The following ZNF112 variants were observed in gnomAD, a reference collection of about 807,000 sequenced individuals.
ZNF112 encodes zinc finger protein 112.
ZNF112 carries 37 observed loss-of-function variants against 77.7 expected under a neutral mutation model. The ratio of observed to expected loss-of-function variants is 0.48; its 90% confidence interval spans 0.37 to 0.63. The LOEUF (loss-of-function observed/expected upper bound fraction) is 0.63, where lower values mean the gene tolerates loss of function less well. ZNF112 is among the 20% of genes least tolerant of loss of function. The pLI, the probability that ZNF112 is intolerant of heterozygous loss-of-function variation, is 0.00. For synonymous variants in ZNF112, 333 were observed against 363.6 expected (o/e 0.92, Z 0.96); for missense variants, 950 against 1,077.4 (o/e 0.88, Z 1.66).
At chr19:44,359,433 C>G (rs1289117856), upstream of ZNF112, among the ~76,000 whole-genome samples, 1 of 145,880 alleles carries the variant, frequency 6.9e-6, no homozygotes, top group Non-Finnish European at 1.5e-5. Context: ...AAGCAATTCT[C>G]CTGCCCCAGC....
At chr19:44,352,282 C>T (rs1318312523) in intron 1 of ZNF112, among the ~76,000 whole-genome samples, 2 of 152,056 alleles carry the variant, frequency 1.3e-5, no homozygotes, top group Non-Finnish European at 2.9e-5. Context: ...GGCTGTTCTA[C>T]AGGTACTTGT....
rs1314793034 is a variant in ZNF112 at position 44,329,897 on chromosome 19, A to G, written c.260T>C (p.Val87Ala). The change falls in exon 4 of 4, where the codon GTA becomes GCA. Residue 87 changes from valine to alanine, a missense_variant. Around this residue, in one of 3 missense-constraint regions of ZNF112, gnomAD observed 560 missense variants for 557.3 expected, o/e 1.00. Coordinates refer to ENST00000354340, the MANE Select transcript of ZNF112 (RefSeq NM_013380.4). ...NQQKMESIQE[V>A]TVSYFSPKEL... is the part of the protein sequence containing the mutation. ...TTTGGGGGAAAAGTAGCTTACTGTT[A>G]CTTCCTGAATACTCTCCATCTTTTG... is the stretch of plus-strand genomic sequence containing the variant. The G allele has an allele frequency of 1.2e-6, 2 of 1,613,900 alleles. No individual in the cohort carries two copies. Among genetic ancestry groups the G allele is most frequent in the Non-Finnish European group, 1.7e-6 (2 of 1,179,928 alleles).
In ZNF112 at chr19:44,328,448, G is replaced by A; in HGVS notation, c.1709C>T (p.Thr570Ile). 1 of 1,614,138 alleles carries A rather than the reference G, an allele frequency of 6.2e-7. No homozygotes were observed. Among genetic ancestry groups the A allele is most frequent in the Non-Finnish European group, 8.5e-7 (1 of 1,180,010 alleles). Residue 570 changes from threonine (T) to isoleucine (I), a missense_variant, in exon 4 of 4, where the codon ACT becomes ATT. Around this residue, in one of 3 missense-constraint regions of ZNF112, gnomAD observed 373 missense variants for 482.8 expected, o/e 0.77. Coordinates refer to ENST00000354340, the MANE Select transcript of ZNF112 (RefSeq NM_013380.4). Reference protein sequence around the residue: ...SYLQAHQRVHTGEKPYKCEEC... With the variant: ...SYLQAHQRVHIGEKPYKCEEC... ...CTCACATTTATAAGGTTTTTCTCCA[G>A]TGTGGACTCTCTGATGGGCTTGAAG...
Position 44,364,820 on chromosome 19 carries a change from G to A in ZNF112, c.17+2261C>T, listed in dbSNP as rs145792601. Among the ~76,000 whole-genome samples the A allele has an allele frequency of 3.1e-3, 468 of 152,220 alleles. 2 individuals are homozygous for A. The highest frequency in any genetic ancestry group is 6.0e-3 in the Admixed American group (92 of 15,272). ...TTTTACATAACAGACTTGAACATCC[G>A]CGGATTTTGATTTCCATAAGGGTCC... On this transcript the variant is annotated intron_variant, in intron 1 of 4. Coordinates refer to the ZNF112 transcript ENST00000588057.
intron 1 of ZNF112, among the ~76,000 whole-genome samples, chr19:44,347,533 C>G (rs1599931130): frequency 4.0e-5 from 2 of 50,074 alleles, no homozygotes; most frequent in Admixed American, 2.3e-4. Context: ...TATCTATTAG[C>G]TTTTGGCTAT....
chr19:44,345,878 G>A (rs1970579773), intron 1 of ZNF112, among the ~76,000 whole-genome samples: 1 of 152,158 alleles, frequency 6.6e-6, no homozygotes, highest in African/African-American at 2.4e-5. Flanking sequence ...GGGTTGGAAA[G>A]CTTTCATAAA....
At chr19:44,332,456 T>C (rs1422394878) in intron 3 of ZNF112, among the ~76,000 whole-genome samples, 1 of 152,216 alleles carries the variant, frequency 6.6e-6, no homozygotes, top group Non-Finnish European at 1.5e-5. Flanking sequence ...TATTTTATCA[T>C]ATAATGATGA....
Position 44,336,684 on chromosome 19 carries a change from C to A in ZNF112, c.159G>T (p.Gln53His), listed in dbSNP as rs368359120. 1 of 1,613,952 alleles carries A rather than the reference C, an allele frequency of 6.2e-7. No individual in the cohort carries two copies. The highest frequency in any genetic ancestry group is 8.5e-7 in the Non-Finnish European group (1 of 1,179,960). The change falls in exon 3 of 4, where the codon CAG (glutamine) becomes CAT (histidine). Residue 53 changes from glutamine (Q) to histidine (H), a missense_variant. This residue lies in a region of ZNF112 where 560 missense variants were observed against 557.3 expected (regional missense o/e 1.00). Coordinates refer to ENST00000354340, the MANE Select transcript of ZNF112 (RefSeq NM_013380.4). Reference protein sequence around the residue: ...HQPFKPDLISQLEREEKLLMV... With the variant: ...HQPFKPDLISHLEREEKLLMV... ...TCAAAAGCTTTTCTTCTCTCTCCAG[C>A]TGGGATATTAGGTCTGGCTTGAAGG...
At chr19:44,360,723 A>G (rs1347794035), upstream of ZNF112, among the ~76,000 whole-genome samples, 2 of 152,230 alleles carry the variant, frequency 1.3e-5, no homozygotes, top group Non-Finnish European at 2.9e-5. Context: ...TATTCAATAC[A>G]TGTTGCTGTT....
At chr19:44,340,741 C>T (rs1970474659) in intron 1 of ZNF112, among the ~76,000 whole-genome samples, 199 bp from the exon 2 acceptor site, 1 of 152,172 alleles carries the variant, frequency 6.6e-6, no homozygotes, top group South Asian at 2.1e-4. Flanking sequence ...GAAATTACTT[C>T]CTTTTGTTAG....
chr19:44,339,678 A>T (rs1599923193), intron 2 of ZNF112, among the ~76,000 whole-genome samples: 1 of 152,228 alleles, frequency 6.6e-6, no homozygotes, highest in Admixed American at 6.5e-5. Context: ...TGAATCATTA[A>T]CTGTGAAGAC....
chr19:44,345,451 C>T (rs1970570525), intron 1 of ZNF112, among the ~76,000 whole-genome samples: 2 of 152,190 alleles, frequency 1.3e-5, no homozygotes, highest in African/African-American at 2.4e-5. Context: ...TCTGCAGTCA[C>T]GCACTCCGTG....
rs142730098 is a variant in ZNF112 at position 44,362,258 on chromosome 19, G to A, written c.17+4823C>T. Among the ~76,000 whole-genome samples, 432 of 152,118 alleles carry A rather than the reference G, an allele frequency of 2.8e-3. 2 individuals carry two copies. Among genetic ancestry groups the A allele is most frequent in the African/African-American group, 9.5e-3 (394 of 41,500 alleles). Reference sequence around the variant, plus strand: ...GGAGGAAGGTGAGGGTATGTAGGAGGAGGAGAAGTAGGAGGAGGAAGAGTA... The same window carrying A: ...GGAGGAAGGTGAGGGTATGTAGGAGAAGGAGAAGTAGGAGGAGGAAGAGTA... On this transcript the variant is annotated intron_variant, in intron 1 of 4. Transcript: ENST00000588057.
Position 44,328,004 on chromosome 19 carries a change from T to A in ZNF112, c.2153A>T (p.Glu718Val), listed in dbSNP as rs1206287004. The A allele has an allele frequency of 6.2e-7, 1 of 1,613,916 alleles. No individual in the cohort carries two copies. The highest frequency in any genetic ancestry group is 8.5e-7 in the Non-Finnish European group (1 of 1,179,968). ...CTGACTGAAGCCCTTTCCACATACC[T>A]CACATATATATGGTCTTTCTCCAGA... ...VHSGERPYIC[E>V]VCGKGFSQRA... Residue 718 changes from glutamate to valine, a missense_variant, in exon 4 of 4, where the codon GAG (glutamate) becomes GTG (valine). By Grantham distance (121) the Glu-to-Val change is moderately radical. Around this residue, in one of 3 missense-constraint regions of ZNF112, gnomAD observed 373 missense variants for 482.8 expected, o/e 0.77. Coordinates refer to ENST00000354340, the MANE Select transcript of ZNF112 (RefSeq NM_013380.4).
intron 1 of ZNF112, among the ~76,000 whole-genome samples, chr19:44,365,510 TAC>T (rs559519624): frequency 5.3e-5 from 8 of 151,514 alleles, no homozygotes; most frequent in East Asian, 3.9e-4. Context: ...AAAAATTGTA[TAC>T]ACACACACAC....
Position 44,348,876 on chromosome 19 carries a change from A to T in ZNF112, c.-4+7750T>A, listed in dbSNP as rs143755649. ...AGAAAAAAAGGACGTAGTAAACCTA[A>T]GACAGAAATCAATGAAATTAAAAAC... On this transcript the variant is annotated intron_variant, in intron 1 of 3. Transcript: ENST00000354340. Among the ~76,000 whole-genome samples, 445 of 152,252 alleles carry T rather than the reference A, an allele frequency of 2.9e-3. 1 individual carries two copies. The highest frequency in any genetic ancestry group is 9.1e-3 in the African/African-American group (379 of 41,558).
intron 2 of ZNF112, 37 bp from the exon 3 acceptor site, chr19:44,336,755 T>C: frequency 6.4e-7 from 1 of 1,563,056 alleles, no homozygotes. Context: ...GTTTTTAAGT[T>C]TGATGACATT....
Position 44,327,319 on chromosome 19 carries a change from T to C in ZNF112, c.*114A>G. 1 of 833,462 alleles carries C rather than the reference T, an allele frequency of 1.2e-6. No homozygotes were observed. 51.6% of individuals were successfully genotyped at this position (833,462 alleles called of 1,614,324 possible). ...TAAATGTCTCTGTTGTGTGGTCTCC[T>C]GGCCATTATGAATGTTGAAGTTGGG... On this transcript the variant is annotated 3_prime_UTR_variant, in exon 4 of 4. Coordinates refer to ENST00000354340, the MANE Select transcript of ZNF112 (RefSeq NM_013380.4).
At chr19:44,348,370 T>C (rs1255365461) in intron 1 of ZNF112, among the ~76,000 whole-genome samples, 4 of 152,140 alleles carry the variant, frequency 2.6e-5, no homozygotes, top group Non-Finnish European at 4.4e-5. Flanking sequence ...GCTCATTTAT[T>C]TTTCAATTTT....
Sources: allele counts gnomAD v4.1 joint callset (sites outside exome capture counted in the v4.1 genomes callset), GRCh38; gene constraint gnomAD v4.1.1; regional missense constraint gnomAD v4.1.1; transcripts MANE v1.5; gene names NCBI Gene and HGNC (gene_info 2026-07-23, HGNC 2026-07-21).